Variants in SLC17A9 observed in about 807,000 individuals in gnomAD.
SLC17A9 encodes voltage-gated purine nucleotide uniporter SLC17A9.
In SLC17A9, 49 loss-of-function variants were observed where a neutral mutation model predicts 55.0. The ratio of observed to expected loss-of-function variants is 0.89; its 90% confidence interval spans 0.71 to 1.13. SLC17A9 has a LOEUF of 1.13. Ranked by LOEUF, SLC17A9 falls within the 50% of genes most tolerant of loss-of-function variation. The pLI is 0.00. For missense variants in SLC17A9, 526 were observed against 569.3 expected (o/e 0.92, Z 0.77); for synonymous variants, 256 against 247.4 (o/e 1.03, Z -0.32).
Position 62,958,119 on chromosome 20 carries a change from G to A in SLC17A9, c.397+539G>A, listed in dbSNP as rs549701120. Among the ~76,000 whole-genome samples, 10 of 152,282 alleles carry A rather than the reference G, an allele frequency of 6.6e-5. No homozygotes were observed. In the East Asian group the frequency reaches 7.7e-4, roughly 12 times the overall value. ...TGTATCCATGTGTATGTGCGTATGC[G>A]TGCCCATATGCGTGTGTACGTGCGT... On this transcript the variant is annotated intron_variant, in intron 3 of 12. Transcript: ENST00000370351. The surrounding 1 kb of genome is among the most constrained non-coding windows in gnomAD (Gnocchi z 4.1).
rs547231128 is a variant in SLC17A9, at chr20:62,958,329, C to T, written c.397+749C>T. Among the ~76,000 whole-genome samples the T allele has an allele frequency of 6.6e-6, 1 of 151,884 alleles. No homozygotes were observed. The highest frequency in any genetic ancestry group is 2.1e-4 in the South Asian group (1 of 4,814). On this transcript the variant is annotated intron_variant, in intron 3 of 12. Coordinates refer to ENST00000370351, the MANE Select transcript of SLC17A9 (RefSeq NM_022082.4). This position sits in a 1 kb window ranked among gnomAD's most constrained non-coding sequence, Gnocchi z 4.1. ...GCTGCAAGGGACCTGCTGTGGGACT[C>T]TGGGTTTTGTGCATTTTGGTCACAC...
rs141598974 is a variant in SLC17A9 at position 62,966,595 on chromosome 20, T to C, written c.1117+15T>C. The C allele has an allele frequency of 6.0e-5, 2 of 33,404 alleles. No individual in the cohort carries two copies. The highest frequency in any genetic ancestry group is 1.1e-4 in the African/African-American group (2 of 18,792). The allele number at this position is 33,404 out of a possible 1,614,324, so 2.1% of individuals were successfully genotyped here. Reference sequence around the variant, plus strand: ...CTTTCTGTTTGGTGAGGACCTTGCCTTACCCCAGCTTTGCCCCTCCCTGGG... The same window carrying C: ...CTTTCTGTTTGGTGAGGACCTTGCCCTACCCCAGCTTTGCCCCTCCCTGGG... On this transcript the variant is annotated intron_variant, in intron 11 of 12. Transcript: ENST00000370351.
chr20:62,960,252 T>G (rs1280841259), intron 3 of SLC17A9, among the ~76,000 whole-genome samples: 1 of 151,992 alleles, frequency 6.6e-6, no homozygotes, highest in Non-Finnish European at 1.5e-5. Context: ...GTTCGCGGGG[T>G]GGGAGGGCTA....
At chr20:62,961,785 G>A (rs1373526607) in intron 4 of SLC17A9, among the ~76,000 whole-genome samples, 1 of 152,222 alleles carries the variant, frequency 6.6e-6, no homozygotes, top group Admixed American at 6.5e-5. Flanking sequence ...GTTTCATTGA[G>A]TGTCTTGCGG....
At position 62,955,919 on chromosome 20, in the gene SLC17A9, G is replaced by A. The variant is rs140367041; in HGVS notation, c.60-846G>A. ...AGAGTGGAACCTGGCTGCAAATGAC[G>A]CTGGCGAAACCACACTCACTGCCAA... On this transcript the variant is annotated intron_variant, in intron 1 of 12. Transcript: ENST00000370351. Among the ~76,000 whole-genome samples the A allele has an allele frequency of 4.4e-3, 672 of 152,318 alleles. 4 individuals are homozygous for A. The highest frequency in any genetic ancestry group is 0.015 in the African/African-American group (626 of 41,558).
rs1357633851 is a variant in SLC17A9 at position 62,952,712 on chromosome 20, C to T, written c.-119C>T. 14 of 1,114,112 alleles carry T rather than the reference C, an allele frequency of 1.3e-5. No homozygotes were observed. The highest frequency in any genetic ancestry group is 6.4e-5 in the African/African-American group (4 of 62,384). 69.0% of individuals were successfully genotyped at this position (1,114,112 alleles called of 1,614,324 possible). Reference sequence around the variant, plus strand: ...GGCGACAAGTCCTGAGAGAACCAGACGGAAGCGCGCTGGGACTGACACGTG... The same window carrying T: ...GGCGACAAGTCCTGAGAGAACCAGATGGAAGCGCGCTGGGACTGACACGTG... On this transcript the variant is annotated 5_prime_UTR_variant, in exon 1 of 13. In the 5' UTR this introduces an upstream ATG that the reference lacks. Transcript: ENST00000370351.
At chr20:62,964,043 G>A (rs1286371568) in intron 7 of SLC17A9, 185 bp from the exon 8 acceptor site, 1 of 673,732 alleles carries the variant, frequency 1.5e-6, no homozygotes, top group African/African-American at 1.8e-5. Context: ...TTCCTTCTCT[G>A]AGGCTGTCTT....
chr20:62,960,464 C>A (rs2065579819), intron 3 of SLC17A9, 40 bp from the exon 4 acceptor site: 1 of 1,582,950 alleles, frequency 6.3e-7, no homozygotes, highest in South Asian at 1.1e-5. Flanking sequence ...AGGAGCCTCC[C>A]TGGATGGACC....
chr20:62,954,169 A>G (rs2065515586), intron 1 of SLC17A9, among the ~76,000 whole-genome samples: 1 of 152,128 alleles, frequency 6.6e-6, no homozygotes, highest in African/African-American at 2.4e-5. Context: ...ATGTTTAAAA[A>G]GGAGCCCTTG....
chr20:62,961,365 C>G (rs1039921865), intron 4 of SLC17A9, among the ~76,000 whole-genome samples: 4 of 151,860 alleles, frequency 2.6e-5, no homozygotes, highest in Non-Finnish European at 5.9e-5. Flanking sequence ...GGCCTATCAG[C>G]TGGCTGGAGG....
intron 1 of SLC17A9, among the ~76,000 whole-genome samples, chr20:62,953,875 A>G (rs893476230): frequency 1.3e-5 from 2 of 152,200 alleles, no homozygotes; most frequent in Admixed American, 6.5e-5. Context: ...CAGCCCTGTC[A>G]GGCGCCAATT....
rs2065662536 is a variant in SLC17A9, at chr20:62,969,030, G to C, written c.*1530G>C. On this transcript the variant is annotated 3_prime_UTR_variant, in exon 13 of 13. Coordinates refer to ENST00000370351, the MANE Select transcript of SLC17A9 (RefSeq NM_022082.4). ...GAGCATCACCCCCACAGAGGCTTCGGGACGGTCCTGCTGGACTGCTGGACG... is the reference window on the plus strand; with the variant it reads ...GAGCATCACCCCCACAGAGGCTTCGCGACGGTCCTGCTGGACTGCTGGACG... The C allele has an allele frequency of 6.6e-6, 1 of 152,264 alleles. No individual in the cohort carries two copies. Among genetic ancestry groups the C allele is most frequent in the East Asian group, 1.9e-4 (1 of 5,198 alleles). 9.4% of individuals were successfully genotyped at this position (152,264 alleles called of 1,614,324 possible). A position where few individuals can be genotyped will look rare whatever the true frequency, so the allele number is the denominator to read the frequency against.
At chr20:62,964,107 C>A in intron 7 of SLC17A9, 121 bp from the exon 8 acceptor site, 1 of 965,440 alleles carries the variant, frequency 1.0e-6, no homozygotes, top group Non-Finnish European at 1.7e-6. Context: ...GCAGGGCTGG[C>A]CCTGCCGGAG....
chr20:62,957,730 C>G, intron 3 of SLC17A9, 150 bp downstream of exon 3: 1 of 602,626 alleles, frequency 1.7e-6, no homozygotes, highest in Non-Finnish European at 2.5e-6. Context: ...ATGCGTGCAC[C>G]TGTGTGTGTG....
In SLC17A9 at chr20:62,953,311, T is replaced by TG. The variant is rs368500187; in HGVS notation, c.59+430dup. On this transcript the variant is annotated intron_variant, in intron 1 of 12. Coordinates refer to ENST00000370351, the MANE Select transcript of SLC17A9 (RefSeq NM_022082.4). ...GCTGGAGCCTGCAGCTGGACGGGGTTGGGGGGGGTCCTGCCACCACGTGCC... is the reference window on the plus strand; with the variant it reads ...GCTGGAGCCTGCAGCTGGACGGGGTTGGGGGGGGGTCCTGCCACCACGTGCC... 1.3e-3 allele frequency: 2,051 copies of TG among 1,530,188 alleles called. 19 individuals carry two copies. The African/African-American group carries it at 0.023, about 17-fold the overall frequency. The allele number at this position is 1,530,188 out of a possible 1,614,324, so 94.8% of individuals were successfully genotyped here. A position where few individuals can be genotyped will look rare whatever the true frequency, so the allele number is the denominator to read the frequency against.
Position 62,967,362 on chromosome 20 carries a change from C to G in SLC17A9, c.1173C>G (p.Gly391=). ...LAGVVGVCLG[G]YLMETTGSWT... The stretch of plus-strand genomic sequence containing the variant: ...GTGTCGTGGGTGTGTGTCTAGGCGG[C>G]TACTTGATGGAGACCACGGGCTCCT... Residue 391 remains glycine, a synonymous_variant, in exon 13 of 13, where the codon GGC becomes GGG. Coordinates refer to ENST00000370351, the MANE Select transcript of SLC17A9 (RefSeq NM_022082.4). 1 of 1,614,136 alleles carries G rather than the reference C, an allele frequency of 6.2e-7. No homozygotes were observed. Among genetic ancestry groups the G allele is most frequent in the Non-Finnish European group, 8.5e-7 (1 of 1,180,012 alleles).
intron 2 of SLC17A9, 121 bp from the exon 3 acceptor site, chr20:62,957,320 C>T: frequency 6.7e-7 from 1 of 1,492,626 alleles, no homozygotes. Context: ...ATGAGCAGGC[C>T]CTGTAGAGGC....
chr20:62,953,051 G>A (rs1032133636), intron 1 of SLC17A9, 162 bp downstream of exon 1: 1 of 1,189,908 alleles, frequency 8.4e-7, no homozygotes, highest in Non-Finnish European at 1.2e-6. Flanking sequence ...GAGGTGGAAG[G>A]AAGTGAGTGC....
Position 62,967,543 on chromosome 20 carries a change from C to A in SLC17A9, c.*43C>A. The A allele has an allele frequency of 1.3e-6, 2 of 1,596,242 alleles. No homozygotes were observed. The highest frequency in any genetic ancestry group is 1.7e-6 in the Non-Finnish European group (2 of 1,170,160). ...TCTCCAAGGACCCAGGCGCCAGCAG[C>A]CCCAGGACACAGGGGACTCAGTGTG... On this transcript the variant is annotated 3_prime_UTR_variant, in exon 13 of 13. Coordinates refer to ENST00000370351, the MANE Select transcript of SLC17A9 (RefSeq NM_022082.4).
Sources: allele counts gnomAD v4.1 joint callset (sites outside exome capture counted in the v4.1 genomes callset), GRCh38; gene constraint gnomAD v4.1.1; non-coding constraint Gnocchi (gnomAD v3.1); transcripts MANE v1.5; gene names NCBI Gene and HGNC (gene_info 2026-07-23, HGNC 2026-07-21).